Variants in TARS3 observed in about 807,000 individuals in gnomAD.
TARS3 encodes threonine--tRNA ligase 2, cytoplasmic.
A neutral mutation model predicts 103.5 loss-of-function variants in TARS3; 94 were observed. The observed-to-expected ratio is 0.91, with a 90% CI of 0.77 to 1.08. The LOEUF (loss-of-function observed/expected upper bound fraction) is 1.08, where lower values mean the gene tolerates loss of function less well. TARS3 is among the 50% of genes least tolerant of loss of function. The pLI is 0.00. For synonymous variants in TARS3, 416 were observed against 355.4 expected (o/e 1.17, Z -1.92); for missense variants, 952 against 995.2 (o/e 0.96, Z 0.58).
intron 12 of TARS3, among the ~76,000 whole-genome samples, chr15:101,683,751 T>C (rs1177272630): frequency 6.6e-6 from 1 of 152,240 alleles, no homozygotes; most frequent in Non-Finnish European, 1.5e-5. Context: ...CAATTTTAAC[T>C]TGAATTAACA....
chr15:101,711,938 G>A lies in TARS3; in HGVS notation c.754C>T (p.Leu252=). Reference sequence around the variant, plus strand: ...TTTTCAATGGGCGGACCGTAGCACAGGTGGCCTCCATAGTAAAGCTCCATG... The same window carrying A: ...TTTTCAATGGGCGGACCGTAGCACAAGTGGCCTCCATAGTAAAGCTCCATG... ...EAMELYYGGH[L]CYGPPIENGF... The change falls in exon 5 of 19, where the codon CTG becomes TTG. Residue 252 remains leucine, a synonymous_variant. Transcript: ENST00000335968. 1 of 1,613,992 alleles carries A rather than the reference G, an allele frequency of 6.2e-7. No individual in the cohort carries two copies. The highest frequency in any genetic ancestry group is 8.5e-7 in the Non-Finnish European group (1 of 1,179,866).
intron 10 of TARS3, among the ~76,000 whole-genome samples, chr15:101,689,961 T>C (rs931388162): frequency 1.3e-5 from 2 of 152,218 alleles, no homozygotes; most frequent in African/African-American, 4.8e-5. Context: ...CTGAAACAGT[T>C]ACATTTAGTT....
intron 12 of TARS3, 35 bp from the exon 13 acceptor site, chr15:101,675,772 C>G (rs1176825446): frequency 6.3e-7 from 1 of 1,579,802 alleles, no homozygotes; most frequent in South Asian, 1.1e-5. Context: ...TCAAATAGAA[C>G]ATCAAATTCA....
chr15:101,675,795 A>C, intron 12 of TARS3, 58 bp from the exon 13 acceptor site: 1 of 1,531,686 alleles, frequency 6.5e-7, no homozygotes, highest in Admixed American at 1.8e-5. Flanking sequence ...TATGTTTTAA[A>C]AAATACAATT....
chr15:101,723,653 A>G (rs2141464902), intron 1 of TARS3, among the ~76,000 whole-genome samples: 1 of 152,352 alleles, frequency 6.6e-6, no homozygotes, highest in East Asian at 1.9e-4. Context: ...ATGAACCACC[A>G]AAACAAGAGC....
intron 3 of TARS3, among the ~76,000 whole-genome samples, chr15:101,718,997 A>T (rs114586116): frequency 6.6e-6 from 1 of 152,324 alleles, no homozygotes; most frequent in African/African-American, 2.4e-5. Flanking sequence ...CGTGCACTTC[A>T]GATGTGACAA....
intron 9 of TARS3, among the ~76,000 whole-genome samples, chr15:101,701,580 T>C (rs1899281701): frequency 6.6e-6 from 1 of 152,172 alleles, no homozygotes; most frequent in African/African-American, 2.4e-5. Context: ...AGTTTCTGTC[T>C]TCACAGCCAC....
chr15:101,700,033 GA>G (rs1056289143), intron 10 of TARS3, among the ~76,000 whole-genome samples: 3 of 148,890 alleles, frequency 2.0e-5, no homozygotes, highest in Non-Finnish European at 3.0e-5. Flanking sequence ...GACCAAATTT[GA>G]AAAAAAAAAT....
At chr15:101,657,729 G>A in intron 17 of TARS3, 56 bp downstream of exon 17, 2 of 1,190,810 alleles carry the variant, frequency 1.7e-6, no homozygotes, top group South Asian at 1.4e-5. Flanking sequence ...CCAAATCGAT[G>A]ACCTACACAG....
At chr15:101,694,905 G>A (rs532368045) in intron 10 of TARS3, among the ~76,000 whole-genome samples, 15 of 152,308 alleles carry the variant, frequency 9.8e-5, no homozygotes, top group Admixed American at 7.8e-4. Context: ...GGCAGGCATG[G>A]AAATTAGTGT....
At position 101,671,569 on chromosome 15, in the gene TARS3, C is replaced by T. The variant is rs764799753; in HGVS notation, c.1884G>A (p.Lys628=). 5.6e-6 allele frequency: 9 copies of T among 1,611,074 alleles called. No individual in the cohort carries two copies. The Admixed American group carries it at 1.5e-4, about 27-fold the overall frequency. The change falls in exon 15 of 19, where the codon AAG becomes AAA. Residue 628 remains lysine, a synonymous_variant. Transcript: ENST00000335968. The part of the protein sequence containing the change: ...FYGPKIDIKI[K]DAIGRYHQCA... The stretch of plus-strand genomic sequence containing the variant: ...ATTGATGGTATCTGCCAATAGCATC[C>T]TTGATTTTTATGTCAATCTACAAAT...
chr15:101,708,279 A>C (rs1376360259), intron 6 of TARS3, among the ~76,000 whole-genome samples: 2 of 151,168 alleles, frequency 1.3e-5, no homozygotes, highest in Admixed American at 6.6e-5. Flanking sequence ...AAAAAAAAAA[A>C]AAAAAACCCA....
At chr15:101,691,172 C>T (rs1380187606) in intron 10 of TARS3, among the ~76,000 whole-genome samples, 1 of 151,924 alleles carries the variant, frequency 6.6e-6, no homozygotes, top group Non-Finnish European at 1.5e-5. Context: ...ATCTCCTGAC[C>T]TCATGATCCA....
chr15:101,695,049 T>C (rs1315577664), intron 10 of TARS3, among the ~76,000 whole-genome samples: 2 of 152,222 alleles, frequency 1.3e-5, no homozygotes, highest in Non-Finnish European at 1.5e-5. Flanking sequence ...GAGAATGAAT[T>C]GCATACTTAA....
At chr15:101,723,487 C>G (rs548671197) in intron 1 of TARS3, among the ~76,000 whole-genome samples, 1 of 152,316 alleles carries the variant, frequency 6.6e-6, no homozygotes, top group African/African-American at 2.4e-5. Context: ...TGCTAGTTCA[C>G]CGCAGCTGTC....
At chr15:101,669,164 T>C (rs11247315) in intron 15 of TARS3, among the ~76,000 whole-genome samples, 7,260 of 152,272 alleles carry the variant, frequency 0.048, 245 homozygotes, top group South Asian at 0.15. Context: ...TGGCCTTGTG[T>C]AGGCCTAGGC....
Position 101,724,098 on chromosome 15 carries a change from C to A in TARS3, c.290G>T (p.Gly97Val), listed in dbSNP as rs531340096. The change falls in exon 1 of 19, where the codon GGC becomes GTC. Residue 97 changes from glycine to valine, a missense_variant. Transcript: ENST00000335968. Reference sequence around the variant, plus strand: ...TCCCCACCGCCCGGTTACCTGTGCGCCGGCCTCCTGCGCCGCCTCTAGCTC... The same window carrying A: ...TCCCCACCGCCCGGTTACCTGTGCGACGGCCTCCTGCGCCGCCTCTAGCTC... Reference protein sequence around the residue: ...SAELEAAQEAGAQPPPSQSQD... With the variant: ...SAELEAAQEAVAQPPPSQSQD... The A allele has an allele frequency of 2.2e-6, 3 of 1,368,096 alleles. No homozygotes were observed. The highest frequency in any genetic ancestry group is 2.8e-6 in the Non-Finnish European group (3 of 1,062,164). The allele number at this position is 1,368,096 out of a possible 1,614,324, so 84.7% of individuals were successfully genotyped here.
intron 7 of TARS3, among the ~76,000 whole-genome samples, chr15:101,704,387 G>A (rs1596318914): frequency 6.6e-6 from 1 of 152,166 alleles, no homozygotes. Flanking sequence ...GGGTGTGGTG[G>A]CTCACACCTG....
At chr15:101,687,065 A>G (rs1189953711) in intron 10 of TARS3, among the ~76,000 whole-genome samples, 2 of 152,140 alleles carry the variant, frequency 1.3e-5, no homozygotes, top group Non-Finnish European at 2.9e-5. Flanking sequence ...GGTCTCGGCC[A>G]TTCAGTGAGC....
Sources: allele counts gnomAD v4.1 joint callset (sites outside exome capture counted in the v4.1 genomes callset), GRCh38; gene constraint gnomAD v4.1.1; transcripts MANE v1.5; gene names NCBI Gene and HGNC (gene_info 2026-07-23, HGNC 2026-07-21).